Variants in SHANK2 observed in about 807,000 individuals in gnomAD.
The protein encoded by SHANK2 is SH3 and multiple ankyrin repeat domains protein 2.
A neutral mutation model predicts 133.7 loss-of-function variants in SHANK2; 43 were observed. That is an observed-to-expected ratio of 0.32 (90% CI 0.25 to 0.41). SHANK2 has a LOEUF of 0.41. SHANK2 is among the 10% of genes least tolerant of loss of function. The probability of loss-of-function intolerance (pLI) is 1.00; values close to 1 mark genes in which losing one functional copy is unlikely to be tolerated. For synonymous variants in SHANK2, 1,017 were observed against 952.8 expected (o/e 1.07, Z -1.24); for missense variants, 1,994 against 2,235.8 (o/e 0.89, Z 2.18).
chr11:70,870,851 AC>A (rs1183055696), intron 11 of SHANK2, among the ~76,000 whole-genome samples: 1 of 152,110 alleles, frequency 6.6e-6, no homozygotes, highest in Non-Finnish European at 1.5e-5. Context: ...ATCTCGGCTC[AC>A]TGCAGCCTCC....
At chr11:70,643,856 C>T (rs2061221676) in intron 17 of SHANK2, among the ~76,000 whole-genome samples, 1 of 151,346 alleles carries the variant, frequency 6.6e-6, no homozygotes, top group Admixed American at 6.6e-5. Flanking sequence ...GAACAGAAAC[C>T]ATACCGTGTG....
At chr11:70,561,300 T>A (rs10899160) in intron 17 of SHANK2, among the ~76,000 whole-genome samples, 15,457 of 152,018 alleles carry the variant, frequency 0.1, 1,810 homozygotes, top group African/African-American at 0.29. Flanking sequence ...ACTACAGGCA[T>A]GTGCCACCAC....
At chr11:71,084,533 T>C (rs909833566) in intron 8 of SHANK2, among the ~76,000 whole-genome samples, 1 of 152,350 alleles carries the variant, frequency 6.6e-6, no homozygotes, top group Admixed American at 6.5e-5. Flanking sequence ...CCCAGAACCC[T>C]GGGACAGGGC....
chr11:70,612,633 C>A (rs1476636337), intron 17 of SHANK2, among the ~76,000 whole-genome samples: 1 of 152,172 alleles, frequency 6.6e-6, no homozygotes, highest in African/African-American at 2.4e-5. Context: ...CTCCAGAAGC[C>A]CCCAGCGGCC....
At chr11:70,783,990 A>G (rs1947576653) in intron 14 of SHANK2, among the ~76,000 whole-genome samples, 1 of 152,024 alleles carries the variant, frequency 6.6e-6, no homozygotes, top group Non-Finnish European at 1.5e-5. Context: ...AGGGGGTGTG[A>G]GACACAGGGC....
intron 2 of SHANK2, among the ~76,000 whole-genome samples, chr11:71,204,605 G>T (rs540812345): frequency 6.6e-6 from 1 of 152,182 alleles, no homozygotes; most frequent in Non-Finnish European, 1.5e-5. Flanking sequence ...TGCCAGCCAC[G>T]CCCTTGCACT....
At chr11:70,488,013 G>A (rs1270615008) in intron 24 of SHANK2, among the ~76,000 whole-genome samples, 5 of 152,246 alleles carry the variant, frequency 3.3e-5, no homozygotes, top group African/African-American at 1.2e-4. Context: ...CAGGGCAGGA[G>A]GGCCCCTGAC....
rs182745834 is a variant in SHANK2 at position 71,247,248 on chromosome 11, C to T, written c.-113+5177G>A. Among the ~76,000 whole-genome samples, 251 of 152,284 alleles carry T rather than the reference C, an allele frequency of 1.6e-3. 2 individuals carry two copies. The highest frequency in any genetic ancestry group is 5.9e-3 in the African/African-American group (245 of 41,562). ...TCACAGTGGGTAAAGAGTCAGGCAA[C>T]AGTTCCTTTTAAAATATCGATATTT... On this transcript the variant is annotated intron_variant, in intron 1 of 25. Coordinates refer to ENST00000601538, the MANE Select transcript of SHANK2 (RefSeq NM_012309.5).
In SHANK2 at chr11:70,535,856, G is replaced by T. The variant is rs1267993524; in HGVS notation, c.2062-32925C>A. Among the ~76,000 whole-genome samples, 1 of 152,232 alleles carries T rather than the reference G, an allele frequency of 6.6e-6. No individual in the cohort carries two copies. Among genetic ancestry groups the T allele is most frequent in the Non-Finnish European group, 1.5e-5 (1 of 68,036 alleles). On this transcript the variant is annotated intron_variant, in intron 17 of 25. Coordinates refer to ENST00000601538, the MANE Select transcript of SHANK2 (RefSeq NM_012309.5). The surrounding 1 kb of genome is among the most constrained non-coding windows in gnomAD (Gnocchi z 4.3). Reference sequence around the variant, plus strand: ...GGGAAGCTTGGGAGCCTGAGAAGAAGGTGTCAGGGCCTGGTAAGCTGTGGG... The same window carrying T: ...GGGAAGCTTGGGAGCCTGAGAAGAATGTGTCAGGGCCTGGTAAGCTGTGGG...
At chr11:71,156,898 C>G (rs1243651385) in intron 2 of SHANK2, among the ~76,000 whole-genome samples, 5 of 152,162 alleles carry the variant, frequency 3.3e-5, no homozygotes, top group African/African-American at 1.2e-4. Context: ...TTGCTACACT[C>G]AAGATCTTAG....
At chr11:70,695,181 A>C (rs1455283424) in intron 15 of SHANK2, among the ~76,000 whole-genome samples, 1 of 152,076 alleles carries the variant, frequency 6.6e-6, no homozygotes, top group Non-Finnish European at 1.5e-5. Flanking sequence ...AGTTTGCGTT[A>C]ATGCAGACAG....
chr11:70,937,333 C>A (rs576329668), intron 10 of SHANK2, among the ~76,000 whole-genome samples: 1 of 152,218 alleles, frequency 6.6e-6, no homozygotes, highest in Non-Finnish European at 1.5e-5. Context: ...AGGGACGTGT[C>A]CAAAACAAAA....
chr11:70,933,794 C>A (rs1040252069), intron 10 of SHANK2, among the ~76,000 whole-genome samples: 12 of 151,712 alleles, frequency 7.9e-5, no homozygotes, highest in Non-Finnish European at 1.3e-4. Flanking sequence ...GTGGCGCACA[C>A]CTATAATCCC....
chr11:70,502,120 G>T, intron 19 of SHANK2, 86 bp downstream of exon 19: 1 of 1,432,710 alleles, frequency 7.0e-7, no homozygotes, highest in Non-Finnish European at 9.6e-7. Flanking sequence ...GCAAGCGTGG[G>T]GTCATGCACA....
chr11:71,211,799 G>A (rs1443954659), intron 2 of SHANK2, among the ~76,000 whole-genome samples: 2 of 152,096 alleles, frequency 1.3e-5, no homozygotes, highest in Non-Finnish European at 2.9e-5. Context: ...CATGATGTAT[G>A]GTGAGTCAAT....
intron 17 of SHANK2, among the ~76,000 whole-genome samples, chr11:70,578,607 G>A (rs1180244946): frequency 6.6e-6 from 1 of 152,176 alleles, no homozygotes. Context: ...CGAGAAGGTG[G>A]GGGGCCCTGG....
intron 11 of SHANK2, among the ~76,000 whole-genome samples, chr11:70,854,678 G>A (rs1401869744): frequency 6.6e-6 from 1 of 152,164 alleles, no homozygotes; most frequent in East Asian, 1.9e-4. Context: ...GAAAGGTCCC[G>A]CCAAAGCTGA....
intron 13 of SHANK2, among the ~76,000 whole-genome samples, chr11:70,806,116 A>T (rs1555051767): frequency 6.6e-6 from 1 of 152,192 alleles, no homozygotes; most frequent in Non-Finnish European, 1.5e-5. Flanking sequence ...GGAAGGCGGG[A>T]TTTGAACCGG....
rs57180024 is a variant in SHANK2, at chr11:70,613,763, G to GTTTTTTTTTT, written c.2061+46055_2061+46064dup. ...TGTCCTTGTAAGAAGAGGGGAACTT[G>GTTTTTTTTTT]TTTTTTTTTTTTTTTCTTTGAGATG... On this transcript the variant is annotated intron_variant, in intron 17 of 25. Transcript: ENST00000601538. Among the ~76,000 whole-genome samples the GTTTTTTTTTT allele has an allele frequency of 2.3e-3, 284 of 123,610 alleles. 35 individuals are homozygous for GTTTTTTTTTT. The highest frequency in any genetic ancestry group is 0.022 in the Middle Eastern group (4 of 180). 81.1% of individuals were successfully genotyped at this position (123,610 alleles called of 152,430 possible). A position where few individuals can be genotyped will look rare whatever the true frequency, so the allele number is the denominator to read the frequency against.
Sources: allele counts gnomAD v4.1 joint callset (sites outside exome capture counted in the v4.1 genomes callset), GRCh38; gene constraint gnomAD v4.1.1; non-coding constraint Gnocchi (gnomAD v3.1); transcripts MANE v1.5; gene names NCBI Gene and HGNC (gene_info 2026-07-23, HGNC 2026-07-21).